Variants in PCDH11Y observed in about 807,000 individuals in gnomAD.
PCDH11Y encodes protocadherin-11 Y-linked.
For missense variants in PCDH11Y, 12 were observed against 224.8 expected, an observed-to-expected ratio of 0.05 and a Z score of 6.05; for synonymous variants, 9 against 83.6, an observed-to-expected ratio of 0.11 and a Z score of 4.87.
chrY:5,044,286 G>A (rs2124624917), intron 3 of PCDH11Y, among the ~76,000 whole-genome samples: 1 of 32,761 alleles, frequency 3.1e-5, no homozygotes, highest in East Asian at 8.1e-4. Context: ...CTTTGAATGC[G>A]TCCCAGAGAT....
intron 2 of PCDH11Y, among the ~76,000 whole-genome samples, chrY:5,276,620 G>A: frequency 3.2e-5 from 1 of 31,272 alleles, no homozygotes; most frequent in Non-Finnish European, 7.8e-5. Context: ...GTAAAACTCT[G>A]TTTTCATTAT....
chrY:5,124,648 ACT>A (rs2052823028), intron 2 of PCDH11Y, among the ~76,000 whole-genome samples: 1 of 31,226 alleles, frequency 3.2e-5, no homozygotes, highest in African/African-American at 1.3e-4. Flanking sequence ...ATCATTTTAT[ACT>A]CTCTCTGTTG....
chrY:5,221,974 A>T, intron 2 of PCDH11Y, among the ~76,000 whole-genome samples: 2 of 33,309 alleles, frequency 6.0e-5, no homozygotes, highest in African/African-American at 2.3e-4. Flanking sequence ...TATCTAATTT[A>T]TTGAAAGTTT....
intron 4 of PCDH11Y, among the ~76,000 whole-genome samples, chrY:5,666,100 T>G: frequency 5.9e-5 from 2 of 33,787 alleles, no homozygotes; most frequent in South Asian, 1.3e-3. Flanking sequence ...TATCATCTAG[T>G]CAGCACTCAA....
intron 2 of PCDH11Y, among the ~76,000 whole-genome samples, chrY:5,150,827 C>T: frequency 3.0e-5 from 1 of 33,330 alleles, no homozygotes; most frequent in Non-Finnish European, 7.5e-5. Flanking sequence ...AAGTGCTTTA[C>T]ATGGGTTAAC....
At chrY:5,147,774 T>C (rs2052859051) in intron 2 of PCDH11Y, among the ~76,000 whole-genome samples, 1 of 32,778 alleles carries the variant, frequency 3.1e-5, no homozygotes, top group African/African-American at 1.2e-4. Context: ...GAGATCATAG[T>C]GATGGGACAT....
At chrY:5,179,840 T>C in intron 2 of PCDH11Y, among the ~76,000 whole-genome samples, 1 of 33,394 alleles carries the variant, frequency 3.0e-5, no homozygotes, top group Non-Finnish European at 7.4e-5. Context: ...TTTCTGTGTA[T>C]GGCTAGCCAG....
intron 2 of PCDH11Y, among the ~76,000 whole-genome samples, chrY:5,313,280 C>G (rs2053103748): frequency 3.0e-5 from 1 of 33,444 alleles, no homozygotes; most frequent in South Asian, 6.6e-4. Context: ...AATAAGAACG[C>G]CCAAATAGGG....
At chrY:5,700,938 G>C (rs2053577207) in intron 4 of PCDH11Y, among the ~76,000 whole-genome samples, 1 of 29,362 alleles carries the variant, frequency 3.4e-5, no homozygotes, top group South Asian at 8.5e-4. Flanking sequence ...GGTCTCAGAT[G>C]GAGATGAGGA....
intron 2 of PCDH11Y, among the ~76,000 whole-genome samples, chrY:5,254,987 T>C (rs2053008503): frequency 3.2e-5 from 1 of 30,894 alleles, no homozygotes; most frequent in Non-Finnish European, 7.8e-5. Context: ...AGGTGTGCAA[T>C]GCATAATAAT....
chrY:5,691,799 C>T (rs1602960575), intron 4 of PCDH11Y, among the ~76,000 whole-genome samples: 5 of 32,702 alleles, frequency 1.5e-4, no homozygotes, highest in African/African-American at 4.8e-4. Flanking sequence ...GGCGCAGTGG[C>T]TCAGCCCTGT....
intron 2 of PCDH11Y, among the ~76,000 whole-genome samples, chrY:5,243,365 T>C (rs2052990857): frequency 3.0e-5 from 1 of 32,821 alleles, no homozygotes; most frequent in Non-Finnish European, 7.3e-5. Flanking sequence ...TCTCATTGCC[T>C]GTGTTCTAGG....
At chrY:5,106,278 T>C, downstream of PCDH11Y, among the ~76,000 whole-genome samples, 1 of 30,353 alleles carries the variant, frequency 3.3e-5, no homozygotes, top group Non-Finnish European at 8.0e-5. Flanking sequence ...CAAATGTTAA[T>C]TATGTATCAT....
chrY:5,399,563 C>T (rs1602919429), intron 2 of PCDH11Y, among the ~76,000 whole-genome samples: 25 of 23,603 alleles, frequency 1.1e-3, no homozygotes, highest in Middle Eastern at 0.019. Context: ...TGCAATGGCG[C>T]GATCTCGGCT....
chrY:5,440,758 T>TATAG (rs2053280448), intron 2 of PCDH11Y, among the ~76,000 whole-genome samples: 2 of 14,569 alleles, frequency 1.4e-4, no homozygotes, highest in African/African-American at 2.9e-4. Flanking sequence ...TATATATATA[T>TATAG]AGAGAGAGAG....
intron 2 of PCDH11Y, among the ~76,000 whole-genome samples, chrY:5,176,880 A>G: frequency 1.2e-4 from 4 of 32,928 alleles, no homozygotes; most frequent in African/African-American, 2.4e-4. Flanking sequence ...TTAATTGGAT[A>G]TTTATTGCAG....
At chrY:5,440,758 TAGAGAGAG>T (rs769163370) in intron 2 of PCDH11Y, among the ~76,000 whole-genome samples, 22 of 14,556 alleles carry the variant, frequency 1.5e-3, no homozygotes, top group East Asian at 2.9e-3. Context: ...TATATATATA[TAGAGAGAG>T]AGAGAGAGAG....
At chrY:5,253,699 T>C (rs2053006791) in intron 2 of PCDH11Y, among the ~76,000 whole-genome samples, 1 of 33,276 alleles carries the variant, frequency 3.0e-5, no homozygotes, top group African/African-American at 1.2e-4. Context: ...TGTGACTCAG[T>C]TTGTTGGCAA....
At chrY:5,057,635 A>C in intron 1 of PCDH11Y, among the ~76,000 whole-genome samples, 176 bp downstream of exon 2, 1 of 33,360 alleles carries the variant, frequency 3.0e-5, no homozygotes, top group Non-Finnish European at 7.4e-5. Context: ...TTACATGTGG[A>C]TTATGAATTT....
Sources: gnomAD v4.1 joint callset for allele counts (sites outside exome capture counted in the v4.1 genomes callset) on GRCh38, gnomAD v4.1.1 for gene constraint, MANE v1.5 for transcripts, NCBI Gene and HGNC (gene_info 2026-07-23, HGNC 2026-07-21) for gene names.